The following USP6 variants were observed in gnomAD, a reference collection of about 807,000 sequenced individuals.
USP6 encodes ubiquitin specific peptidase 6, also known as ubiquitin carboxyl-terminal hydrolase 6.
A neutral mutation model predicts 175.7 loss-of-function variants in USP6; 128 were observed. The ratio of observed to expected loss-of-function variants is 0.73; its 90% CI spans 0.63 to 0.84. The LOEUF (loss-of-function observed/expected upper bound fraction) is 0.84, where lower values mean the gene tolerates loss of function less well. Ranked by LOEUF, USP6 falls within the 40% of genes least tolerant of loss-of-function variation. USP6 has a pLI of 0.00. For synonymous variants in USP6, 562 were observed against 630.6 expected, an observed-to-expected ratio of 0.89 and a Z score of 1.63; for missense variants, 1,498 against 1,760.3, an observed-to-expected ratio of 0.85 and a Z score of 2.67.
rs768145162 is a variant in USP6, at chr17:5,139,653, C to G, written c.1477C>G (p.Gln493Glu). 4 of 1,611,016 alleles carry G rather than the reference C, an allele frequency of 2.5e-6. No homozygotes were observed. The highest frequency in any genetic ancestry group is 1.8e-4 in the Middle Eastern group (1 of 5,636). Residue 493 changes from glutamine (Q) to glutamate (E), a missense_variant, in exon 22 of 38, where the codon CAG (glutamine) becomes GAG (glutamate). By Grantham distance (29) the Gln-to-Glu change is conservative. This residue lies in a region of USP6 where 1,217 missense variants were observed against 1,500.8 expected (regional missense o/e 0.81). Coordinates refer to ENST00000574788, the MANE Select transcript of USP6 (RefSeq NM_001304284.2). ...GGAGGACCAGCTGGCCACCTGCTGG[C>G]AGGCTGAACACTGCGGAGAGGGTGA... Reference protein sequence around the residue: ...SQEDQLATCWQAEHCGEVHNK... With the variant: ...SQEDQLATCWEAEHCGEVHNK...
Position 5,168,926 on chromosome 17 carries a change from C to A in USP6, c.3388C>A (p.Leu1130Ile). ...ACCACTCACACCCCAGGGGGATGAG[C>A]TCTCCAAGCCCAGGATTCTGGCAAG... ...HKPLTPQGDE[L>I]SKPRILAREV... Residue 1130 changes from leucine (L) to isoleucine (I), a missense_variant, in exon 35 of 38, where the codon CTC becomes ATC. By Grantham distance (5) the Leu-to-Ile change is conservative. Transcript: ENST00000574788. 1 of 1,613,978 alleles carries A rather than the reference C, an allele frequency of 6.2e-7. No homozygotes were observed. Among genetic ancestry groups the A allele is most frequent in the South Asian group, 1.1e-5 (1 of 91,076 alleles).
intron 11 of USP6, 107 bp downstream of exon 11, chr17:5,130,791 C>G (rs58062247): frequency 2.9e-6 from 4 of 1,398,582 alleles, no homozygotes; most frequent in Non-Finnish European, 4.0e-6. Flanking sequence ...CTCGCTAGGT[C>G]GGGCCAACCT....
At position 5,170,677 on chromosome 17, in the gene USP6, T is replaced by C. The variant is rs1211969267; in HGVS notation, c.3716T>C (p.Leu1239Pro). The change falls in exon 36 of 38, where the codon CTG becomes CCG. Residue 1239 changes from leucine (L) to proline (P), a missense_variant. Physicochemically the swap from Leu to Pro is moderately conservative, Grantham distance 98. Around this residue, in one of 2 missense-constraint regions of USP6, gnomAD observed 1,217 missense variants for 1,500.8 expected, o/e 0.81. Transcript: ENST00000574788. Reference protein sequence around the residue: ...KENGAGQICELADALSRGHMR... With the variant: ...KENGAGQICEPADALSRGHMR... ...AATGGGGCTGGGCAGATCTGTGAGC[T>C]GGCTGACGCCTTGAGCCGAGGGCAT... The C allele has an allele frequency of 8.7e-6, 14 of 1,613,850 alleles. No individual in the cohort carries two copies. The highest frequency in any genetic ancestry group is 2.2e-5 in the South Asian group (2 of 91,078).
At chr17:5,141,583 T>C in intron 23 of USP6, 84 bp downstream of exon 23, 1 of 1,314,014 alleles carries the variant, frequency 7.6e-7, no homozygotes, top group Non-Finnish European at 1.0e-6. Context: ...CTAACAACTT[T>C]TGGTTTTCTA....
In USP6 at chr17:5,139,542, C is replaced by T. The variant is rs61745111; in HGVS notation, c.1366C>T (p.Arg456Trp). The change falls in exon 22 of 38, where the codon CGG becomes TGG. Residue 456 changes from arginine (R) to tryptophan (W), a missense_variant. By Grantham distance (101) the Arg-to-Trp change is moderately radical. Transcript: ENST00000574788. The part of the protein sequence containing the change: ...WRFLEWKSMP[R>W]LPTDLDIGGP... Reference sequence around the variant, plus strand: ...ATTCCTGGAGTGGAAGTCAATGCCCCGGCTCCCAACGGACCTGGATATAGG... The same window carrying T: ...ATTCCTGGAGTGGAAGTCAATGCCCTGGCTCCCAACGGACCTGGATATAGG... 174,549 of 1,613,674 alleles carry T rather than the reference C, an allele frequency of 0.11. 10,603 individuals are homozygous for T. Among genetic ancestry groups the T allele is most frequent in the African/African-American group, 0.17 (12,848 of 74,998 alleles).
chr17:5,141,956 G>A (rs2073459204), intron 23 of USP6, 47 bp from the exon 24 acceptor site: 4 of 1,575,658 alleles, frequency 2.5e-6, no homozygotes, highest in Non-Finnish European at 3.4e-6. Flanking sequence ...TTTGTGCCAT[G>A]GCATATTACT....
Position 5,161,609 on chromosome 17 carries a change from G to C in USP6, c.2910G>C (p.Gln970His), listed in dbSNP as rs538055375. 6.2e-7 allele frequency: 1 copy of C among 1,613,904 alleles called. No homozygotes were observed. Among genetic ancestry groups the C allele is most frequent in the African/African-American group, 1.3e-5 (1 of 75,044 alleles). ...GGAACTCCTGTGCTTGGTGCCCACA[G>C]TATAGGTAAAGTGACCTGCAAAAGA... Reference protein sequence around the residue: ...KDGNSCAWCPQYRFCRGCKID... With the variant: ...KDGNSCAWCPHYRFCRGCKID... The change falls in exon 32 of 38, where the codon CAG becomes CAC. Residue 970 changes from glutamine to histidine, a missense_variant. Transcript: ENST00000574788.
At chr17:5,169,477 C>T (rs866783414) in intron 35 of USP6, among the ~76,000 whole-genome samples, 1 of 151,906 alleles carries the variant, frequency 6.6e-6, no homozygotes, top group Non-Finnish European at 1.5e-5. Flanking sequence ...ACTCTGTCAC[C>T]CAGGCTGGAG....
chr17:5,122,391 A>C (rs2072705693), intron 4 of USP6, among the ~76,000 whole-genome samples: 1 of 152,158 alleles, frequency 6.6e-6, no homozygotes, highest in Non-Finnish European at 1.5e-5. Context: ...GCAGGTGGGA[A>C]GGGTGATCAG....
At position 5,172,817 on chromosome 17, in the gene USP6, G is replaced by C. The variant is rs1473858705; in HGVS notation, c.4060G>C (p.Asp1354His). The C allele has an allele frequency of 6.2e-7, 1 of 1,613,352 alleles. No homozygotes were observed. Among genetic ancestry groups the C allele is most frequent in the East Asian group, 2.2e-5 (1 of 44,890 alleles). Residue 1354 changes from aspartate (D) to histidine (H), a missense_variant, in exon 38 of 38, where the codon GAT becomes CAT. Asp to His is a moderately conservative substitution (Grantham distance 81). Coordinates refer to ENST00000574788, the MANE Select transcript of USP6 (RefSeq NM_001304284.2). Reference sequence around the variant, plus strand: ...CTTGCCCTTTCAGGAACTTCACCCTGATGAAATTGACACCGACTCTGCCTA... The same window carrying C: ...CTTGCCCTTTCAGGAACTTCACCCTCATGAAATTGACACCGACTCTGCCTA... Reference protein sequence around the residue: ...NDSSCEELHPDEIDTDSAYIL... With the variant: ...NDSSCEELHPHEIDTDSAYIL...
rs755945959 is a variant in USP6 at position 5,155,563 on chromosome 17, A to G, written c.2785A>G (p.Arg929Gly). Residue 929 changes from arginine to glycine, a missense_variant, in exon 31 of 38, where the codon AGA becomes GGA. Physicochemically the swap from Arg to Gly is moderately radical, Grantham distance 125. Around this residue, in one of 2 missense-constraint regions of USP6, gnomAD observed 1,217 missense variants for 1,500.8 expected, o/e 0.81. Coordinates refer to ENST00000574788, the MANE Select transcript of USP6 (RefSeq NM_001304284.2). ...AVWIQVSWLA[R>G]PLPPQEASIH... ...TTGGATTCAAGTATCCTGGTTAGCA[A>G]GACCACTCCCACCTCAGGAAGCTAG... is the stretch of plus-strand genomic sequence containing the variant. The G allele has an allele frequency of 6.2e-7, 1 of 1,613,964 alleles. No homozygotes were observed. Among genetic ancestry groups the G allele is most frequent in the South Asian group, 1.1e-5 (1 of 91,046 alleles).
rs527873524 is a variant in USP6 at position 5,172,058 on chromosome 17, C to G, written c.4047+379C>G. ...GGCATGTTGGCGCATGCCTGTAATC[C>G]CAGCTACTCGGGAGGCTGAGGCAGG... On this transcript the variant is annotated intron_variant, in intron 37 of 37. Coordinates refer to ENST00000574788, the MANE Select transcript of USP6 (RefSeq NM_001304284.2). 3.9e-5 allele frequency among the ~76,000 whole-genome samples: 6 copies of G among 151,974 alleles called. 1 individual carries two copies. The South Asian group carries it at 1.3e-3, about 32-fold the overall frequency.
intron 1 of USP6, among the ~76,000 whole-genome samples, chr17:5,117,094 G>T (rs1423542991): frequency 6.6e-6 from 1 of 152,152 alleles, no homozygotes; most frequent in Non-Finnish European, 1.5e-5. Context: ...CTCCTTTTTG[G>T]CACTTATGGT....
intron 1 of USP6, among the ~76,000 whole-genome samples, chr17:5,116,966 C>T (rs190217073): frequency 2.4e-4 from 37 of 152,238 alleles, no homozygotes; most frequent in African/African-American, 8.7e-4. Flanking sequence ...GAGGGCGGTG[C>T]CTACATTCTT....
Position 5,135,709 on chromosome 17 carries a change from C to G in USP6, c.544-99C>G. The G allele has an allele frequency of 1.9e-6, 3 of 1,594,120 alleles. No homozygotes were observed. In the South Asian group the frequency reaches 3.3e-5, roughly 18 times the overall value. On this transcript the variant is annotated intron_variant, in intron 16 of 37. Transcript: ENST00000574788. Reference sequence around the variant, plus strand: ...AGGAAGCCTCTTCTTCAGAGGAAGCCTCCCCAGTCACCTCTGCCCTCTCCA... The same window carrying G: ...AGGAAGCCTCTTCTTCAGAGGAAGCGTCCCCAGTCACCTCTGCCCTCTCCA...
At chr17:5,171,800 A>G (rs990219300) in intron 37 of USP6, 121 bp downstream of exon 37, 149 of 1,102,262 alleles carry the variant, frequency 1.4e-4, no homozygotes, top group Non-Finnish European at 1.8e-4. Context: ...TAATATATAG[A>G]TGCTGTCAGT....
intron 4 of USP6, among the ~76,000 whole-genome samples, chr17:5,123,303 G>C (rs553990428): frequency 6.6e-6 from 1 of 152,034 alleles, no homozygotes; most frequent in East Asian, 1.9e-4. Context: ...ACCGCCGGTG[G>C]GGGGGTGGTA....
At chr17:5,117,857 G>A (rs1383879684) in intron 1 of USP6, among the ~76,000 whole-genome samples, 2 of 152,102 alleles carry the variant, frequency 1.3e-5, no homozygotes, top group East Asian at 1.9e-4. Context: ...GACTTTGGGA[G>A]GCCAAGGCAG....
intron 15 of USP6, chr17:5,134,885 G>C (rs1411490501): frequency 2.9e-6 from 1 of 349,328 alleles, no homozygotes. Flanking sequence ...TTTGGAAGAT[G>C]ATGGAGTCGC....
Sources: gnomAD v4.1 joint callset for allele counts (sites outside exome capture counted in the v4.1 genomes callset) on GRCh38, gnomAD v4.1.1 for gene constraint, gnomAD v4.1.1 regional missense constraint, MANE v1.5 for transcripts, NCBI Gene and HGNC (gene_info 2026-07-23, HGNC 2026-07-21) for gene names.